PDGFD: variants seen among roughly 807,000 people sequenced by gnomAD.
PDGFD encodes the protein platelet-derived growth factor D.
A neutral mutation model predicts 44.7 loss-of-function variants in PDGFD; 30 were observed. The ratio of observed to expected loss-of-function variants is 0.67; its 90% CI spans 0.50 to 0.91. The LOEUF (loss-of-function observed/expected upper bound fraction) is 0.91, where lower values mean the gene tolerates loss of function less well. Ranked by LOEUF, PDGFD falls within the 40% of genes least tolerant of loss-of-function variation. The pLI is 0.00. For missense variants in PDGFD, 445 were observed against 457.8 expected, an observed-to-expected ratio of 0.97 and a Z score of 0.25; for synonymous variants, 173 against 168.4, an observed-to-expected ratio of 1.03 and a Z score of -0.21.
intron 3 of PDGFD, among the ~76,000 whole-genome samples, chr11:103,951,655 C>T (rs1858759525): frequency 2.0e-5 from 3 of 152,098 alleles, no homozygotes; most frequent in Non-Finnish European, 4.4e-5. Flanking sequence ...GCCTCTTCTC[C>T]CCTCAGGTTT....
chr11:104,157,738 T>C (rs562225718), intron 1 of PDGFD, among the ~76,000 whole-genome samples: 10 of 152,342 alleles, frequency 6.6e-5, no homozygotes, highest in African/African-American at 1.7e-4. Flanking sequence ...ATGATTACTA[T>C]AATAATCACA....
At chr11:103,943,711 T>A in intron 4 of PDGFD, 61 bp from the exon 5 acceptor site, 1 of 1,386,432 alleles carries the variant, frequency 7.2e-7, no homozygotes, top group Non-Finnish European at 1.0e-6. Context: ...AATACAACAG[T>A]CATTCAACTA....
At position 103,909,407 on chromosome 11, in the gene PDGFD, G is replaced by T; in HGVS notation, c.*287C>A. On this transcript the variant is annotated 3_prime_UTR_variant, in exon 7 of 7. Coordinates refer to ENST00000393158, the MANE Select transcript of PDGFD (RefSeq NM_025208.5). ...GTTATATATACCAAAAAAAACATTT[G>T]ATCTATATACACATAGACATGAATA... The T allele has an allele frequency of 4.1e-6, 1 of 245,790 alleles. No homozygotes were observed. The allele number at this position is 245,790 out of a possible 1,614,324, so 15.2% of individuals were successfully genotyped here. A position where few individuals can be genotyped will look rare whatever the true frequency, so the allele number is the denominator to read the frequency against.
chr11:104,151,535 G>A (rs1862245520), intron 1 of PDGFD, among the ~76,000 whole-genome samples: 1 of 152,150 alleles, frequency 6.6e-6, no homozygotes, highest in South Asian at 2.1e-4. Context: ...AACAAAGAGA[G>A]AGGGAAAATA....
At chr11:104,076,104 G>T (rs1860954998) in intron 1 of PDGFD, among the ~76,000 whole-genome samples, 2 of 151,868 alleles carry the variant, frequency 1.3e-5, no homozygotes. Context: ...GATTTATAAG[G>T]GGCTCTTTCC....
intron 1 of PDGFD, among the ~76,000 whole-genome samples, chr11:104,113,341 G>A (rs1250746692): frequency 6.6e-6 from 1 of 152,122 alleles, no homozygotes; most frequent in Non-Finnish European, 1.5e-5. Context: ...AAGGATGGGG[G>A]AGGGGAGGCA....
intron 3 of PDGFD, among the ~76,000 whole-genome samples, chr11:103,967,755 T>G (rs571481386): frequency 6.6e-6 from 1 of 152,204 alleles, no homozygotes; most frequent in Non-Finnish European, 1.5e-5. Flanking sequence ...TTGCCTTTCT[T>G]CCACCCATAT....
intron 5 of PDGFD, among the ~76,000 whole-genome samples, chr11:103,939,467 G>C (rs544535342): frequency 6.6e-6 from 1 of 152,148 alleles, no homozygotes; most frequent in East Asian, 1.9e-4. Context: ...TGAGATGATG[G>C]GGTTTTCTAG....
chr11:103,970,033 A>G (rs1236119075), intron 3 of PDGFD, among the ~76,000 whole-genome samples: 2 of 151,974 alleles, frequency 1.3e-5, no homozygotes, highest in Non-Finnish European at 2.9e-5. Context: ...TACATTTAAG[A>G]GAGGGGTTAA....
At chr11:104,036,648 T>A in intron 1 of PDGFD, 1 of 616,032 alleles carries the variant, frequency 1.6e-6, no homozygotes. Context: ...GCACTGAGGC[T>A]GGGAGACAGC....
intron 1 of PDGFD, among the ~76,000 whole-genome samples, chr11:104,136,035 G>A (rs986505580): frequency 2.0e-5 from 3 of 152,144 alleles, no homozygotes; most frequent in Admixed American, 6.5e-5. Context: ...GACCTCCAGG[G>A]AACAGGTGAG....
intron 3 of PDGFD, among the ~76,000 whole-genome samples, chr11:103,966,237 C>T (rs1180954712): frequency 6.6e-6 from 1 of 152,154 alleles, no homozygotes; most frequent in East Asian, 1.9e-4. Context: ...AAGAATACTG[C>T]ATTTAATCAC....
chr11:103,917,309 T>A lies in PDGFD; in HGVS notation c.988-7490A>T, dbSNP rs1462203703. ...ATTTTTAAATTCATAAGTTTAAACA[T>A]AATTTCTTAAATTAGTAGTTAAATA... On this transcript the variant is annotated intron_variant, in intron 6 of 6. Coordinates refer to ENST00000393158, the MANE Select transcript of PDGFD (RefSeq NM_025208.5). 5.3e-5 allele frequency among the ~76,000 whole-genome samples: 8 copies of A among 152,200 alleles called. No homozygotes were observed. The East Asian group carries it at 1.5e-3, about 29-fold the overall frequency.
chr11:104,046,362 AG>A (rs1478415513), intron 1 of PDGFD, among the ~76,000 whole-genome samples: 2 of 147,894 alleles, frequency 1.4e-5, no homozygotes, highest in Non-Finnish European at 3.0e-5. Context: ...CCAATGCTAC[AG>A]GCCTCATTCT....
rs35382507 is a variant in PDGFD at position 104,112,294 on chromosome 11, C to CT, written c.124+51509dup. On this transcript the variant is annotated intron_variant, in intron 1 of 6. Transcript: ENST00000393158. ...TTCTCTAATGATCAGTAATGTTGAGCTTTTTTTTTCATGCTTGTTGGTTGC... is the reference window on the plus strand; with the variant it reads ...TTCTCTAATGATCAGTAATGTTGAGCTTTTTTTTTTCATGCTTGTTGGTTGC... 1.7e-4 allele frequency among the ~76,000 whole-genome samples: 25 copies of CT among 150,532 alleles called. No homozygotes were observed. In the East Asian group the frequency reaches 2.0e-3, roughly 12 times the overall value.
At chr11:104,147,339 A>G (rs920091550) in intron 1 of PDGFD, among the ~76,000 whole-genome samples, 44 of 152,184 alleles carry the variant, frequency 2.9e-4, no homozygotes, top group Admixed American at 7.9e-4. Flanking sequence ...TGAGCCTGTC[A>G]TGGGAACACA....
intron 1 of PDGFD, among the ~76,000 whole-genome samples, chr11:104,045,576 A>G (rs1860427533): frequency 6.6e-6 from 1 of 152,044 alleles, no homozygotes; most frequent in Non-Finnish European, 1.5e-5. Context: ...TATCCTGGAA[A>G]AGCATAGATG....
intron 1 of PDGFD, among the ~76,000 whole-genome samples, chr11:104,005,261 T>C (rs1026648658): frequency 2.6e-5 from 4 of 152,172 alleles, no homozygotes; most frequent in Non-Finnish European, 5.9e-5. Flanking sequence ...TAGTGAAAGG[T>C]AGAGTTAGAA....
intron 3 of PDGFD, among the ~76,000 whole-genome samples, chr11:103,950,230 T>C (rs777361079): frequency 2.6e-5 from 4 of 152,046 alleles, no homozygotes; most frequent in African/African-American, 4.8e-5. Context: ...TTTAGAATTA[T>C]CTAGTCCAAT....
Sources: allele counts gnomAD v4.1 joint callset (sites outside exome capture counted in the v4.1 genomes callset), GRCh38; gene constraint gnomAD v4.1.1; transcripts MANE v1.5; gene names NCBI Gene and HGNC (gene_info 2026-07-23, HGNC 2026-07-21).